KLHL22: variants seen among roughly 807,000 people sequenced by gnomAD.
The protein encoded by KLHL22 is kelch-like protein 22.
A neutral mutation model predicts 60.7 loss-of-function variants in KLHL22; 18 were observed. The observed-to-expected ratio is 0.30, with a 90% CI of 0.20 to 0.44. The LOEUF (loss-of-function observed/expected upper bound fraction) is 0.44, where lower values mean the gene tolerates loss of function less well. KLHL22 is among the 20% of genes least tolerant of loss of function. The probability of loss-of-function intolerance (pLI) is 1.00; values close to 1 mark genes in which losing one functional copy is unlikely to be tolerated. For synonymous variants in KLHL22, 355 were observed against 354.5 expected (o/e 1.00, Z -0.01); for missense variants, 596 against 852.3 (o/e 0.70, Z 3.74).
At chr22:20,455,129 C>T (rs1016474144) in intron 5 of KLHL22, among the ~76,000 whole-genome samples, 5 of 152,124 alleles carry the variant, frequency 3.3e-5, no homozygotes, top group African/African-American at 9.7e-5. Flanking sequence ...TGATCCCCCC[C>T]GCCTGGGCCT....
chr22:20,442,573 G>A, intron 6 of KLHL22, 135 bp from the exon 7 acceptor site: 1 of 1,117,534 alleles, frequency 8.9e-7, no homozygotes, highest in Non-Finnish European at 1.2e-6. Context: ...GGATGGCACA[G>A]GGCCAGTGTT....
At chr22:20,470,803 G>GATGA (rs1201992718) in intron 3 of KLHL22, among the ~76,000 whole-genome samples, 2 of 150,652 alleles carry the variant, frequency 1.3e-5, no homozygotes, top group Non-Finnish European at 2.9e-5. Flanking sequence ...TGGATGGATG[G>GATGA]ATGGATGGAT....
intron 5 of KLHL22, among the ~76,000 whole-genome samples, chr22:20,448,525 A>G (rs2052916693): frequency 6.6e-6 from 1 of 152,194 alleles, no homozygotes; most frequent in Non-Finnish European, 1.5e-5. Flanking sequence ...GTTTCTGGCT[A>G]TTACCAATAA....
intron 5 of KLHL22, chr22:20,451,469 G>C: frequency 1.2e-6 from 2 of 1,600,728 alleles, no homozygotes; most frequent in Non-Finnish European, 1.7e-6. Flanking sequence ...CCTCATACAG[G>C]ACACTGGACT....
chr22:20,494,556 T>C (rs1168666550), intron 1 of KLHL22, among the ~76,000 whole-genome samples: 3 of 152,134 alleles, frequency 2.0e-5, no homozygotes, highest in African/African-American at 7.2e-5. Context: ...AATTTTTGTA[T>C]TTTTAGTAGA....
chr22:20,474,576 G>A (rs1298275565), intron 2 of KLHL22, among the ~76,000 whole-genome samples: 2 of 151,806 alleles, frequency 1.3e-5, no homozygotes, highest in African/African-American at 4.8e-5. Flanking sequence ...ATTTTTAGTA[G>A]AGATGGGGTT....
At chr22:20,454,134 GC>G (rs1188637313) in intron 5 of KLHL22, among the ~76,000 whole-genome samples, 1 of 152,126 alleles carries the variant, frequency 6.6e-6, no homozygotes, top group Non-Finnish European at 1.5e-5. Flanking sequence ...TTCAAGAACA[GC>G]CTGGGCAATA....
intron 2 of KLHL22, among the ~76,000 whole-genome samples, chr22:20,480,578 G>A (rs566175553): frequency 1.4e-4 from 21 of 152,120 alleles, no homozygotes; most frequent in African/African-American, 5.1e-4. Context: ...TCAGGTCCTC[G>A]ATCCCTTGTC....
intron 4 of KLHL22, among the ~76,000 whole-genome samples, chr22:20,458,445 A>AGTTTTT (rs2053100836): frequency 1.1e-5 from 1 of 90,478 alleles, no homozygotes; most frequent in East Asian, 3.1e-4. Context: ...AACGCCCGCT[A>AGTTTTT]TTTTTTTTTT....
chr22:20,451,299 C>A, intron 5 of KLHL22: 2 of 1,607,482 alleles, frequency 1.2e-6, no homozygotes, highest in Non-Finnish European at 1.7e-6. Flanking sequence ...GGCGTCACAC[C>A]AGTATGGAGC....
At chr22:20,477,456 A>G (rs1022616988) in intron 2 of KLHL22, among the ~76,000 whole-genome samples, 1 of 152,138 alleles carries the variant, frequency 6.6e-6, no homozygotes, top group Non-Finnish European at 1.5e-5. Flanking sequence ...CTTAAAAAAA[A>G]TTAGCTGGGC....
chr22:20,468,420 C>T (rs78391699), intron 3 of KLHL22, among the ~76,000 whole-genome samples: 3,830 of 152,262 alleles, frequency 0.025, 166 homozygotes, highest in African/African-American at 0.087. Context: ...AAGCCCCATA[C>T]GAGGCTCACA....
intron 2 of KLHL22, among the ~76,000 whole-genome samples, chr22:20,477,014 A>G (rs1256288295): frequency 6.6e-6 from 1 of 151,068 alleles, no homozygotes; most frequent in East Asian, 2.0e-4. Context: ...CCGGACACAA[A>G]CTTTTACCAT....
At chr22:20,464,810 C>T (rs192142976) in intron 4 of KLHL22, 48 bp downstream of exon 4, 2 of 1,202,824 alleles carry the variant, frequency 1.7e-6, no homozygotes, top group African/African-American at 3.0e-5. Flanking sequence ...GACTTCCACA[C>T]CCTCTCATCA....
In KLHL22 at chr22:20,442,292, G is replaced by A. The variant is rs371022263; in HGVS notation, c.1686C>T (p.Tyr562=). ...RSHNRGSRTG[Y]VHIYDVEKDC... The stretch of plus-strand genomic sequence containing the variant: ...CCTTCTCCACATCGTAAATGTGCAC[G>A]TAGCCTGTGCGGCTGCCGCGGTTGT... The change falls in exon 7 of 7, where the codon TAC becomes TAT. Residue 562 remains tyrosine (Y), a synonymous_variant. Coordinates refer to ENST00000328879, the MANE Select transcript of KLHL22 (RefSeq NM_032775.4). 119 of 1,613,960 alleles carry A rather than the reference G, an allele frequency of 7.4e-5. No homozygotes were observed. Among genetic ancestry groups the A allele is most frequent in the African/African-American group, 3.3e-4 (25 of 75,066 alleles).
intron 4 of KLHL22, among the ~76,000 whole-genome samples, chr22:20,459,161 C>T (rs1247104535): frequency 2.6e-5 from 4 of 152,228 alleles, no homozygotes; most frequent in Admixed American, 2.6e-4. Flanking sequence ...CTCTTTCAGA[C>T]AAGTGTTTTT....
rs1172143035 is a variant in KLHL22, at chr22:20,460,717, T to A, written c.1113-2717A>T. Among the ~76,000 whole-genome samples the A allele has an allele frequency of 2.0e-5, 3 of 150,902 alleles. No individual in the cohort carries two copies. The East Asian group carries it at 6.0e-4, about 30-fold the overall frequency. On this transcript the variant is annotated intron_variant, in intron 4 of 6. Coordinates refer to ENST00000328879, the MANE Select transcript of KLHL22 (RefSeq NM_032775.4). ...AAGTTACACTGATTTCTTATTTCCC[T>A]GTTGTGTCCTGTATCCCTCTTCTTC...
chr22:20,478,432 C>T lies in KLHL22; in HGVS notation c.228-6917G>A, dbSNP rs112585570. On this transcript the variant is annotated intron_variant, in intron 2 of 6. Transcript: ENST00000328879. ...GTTGGCCAGGCTGGTCTTGAACTCC[C>T]GACCTCAGGTGATCCACCCTCTTCA... Among the ~76,000 whole-genome samples the T allele has an allele frequency of 8.2e-3, 1,238 of 150,942 alleles. 23 individuals carry two copies. Among genetic ancestry groups the T allele is most frequent in the African/African-American group, 0.028 (1,140 of 41,158 alleles).
chr22:20,449,286 T>C (rs1201884503), intron 5 of KLHL22, among the ~76,000 whole-genome samples: 1 of 152,128 alleles, frequency 6.6e-6, no homozygotes. Context: ...GGTCTCAATC[T>C]CCTGACCTCG....
Sources: allele counts gnomAD v4.1 joint callset (sites outside exome capture counted in the v4.1 genomes callset), GRCh38; gene constraint gnomAD v4.1.1; transcripts MANE v1.5; gene names NCBI Gene and HGNC (gene_info 2026-07-23, HGNC 2026-07-21).